FXN: variants seen among roughly 807,000 people sequenced by gnomAD.
FXN encodes the protein frataxin, mitochondrial.
A neutral mutation model predicts 22.4 loss-of-function variants in FXN; 14 were observed. The ratio of observed to expected loss-of-function variants is 0.62; its 90% CI spans 0.41 to 0.98. The LOEUF (loss-of-function observed/expected upper bound fraction) is 0.98, where lower values mean the gene tolerates loss of function less well. Ranked by LOEUF, FXN falls within the 50% of genes least tolerant of loss-of-function variation. The pLI is 0.00. For synonymous variants in FXN, 120 were observed against 114.1 expected (o/e 1.05, Z -0.33); for missense variants, 267 against 268.4 (o/e 0.99, Z 0.04).
At position 69,072,626 on chromosome 9, in the gene FXN, A is replaced by G; in HGVS notation, c.497A>G (p.Tyr166Cys). The change falls in exon 5 of 5, where the codon TAT (tyrosine) becomes TGT (cysteine). Residue 166 changes from tyrosine (Y) to cysteine (C), a missense_variant. Transcript: ENST00000484259. ...LSSPSSGPKR[Y>C]DWTGKNWVYS... ...TTGTCTTCCAGTGGACCTAAGCGTT[A>G]TGACTGGACTGGGAAAAACTGGGTG... 1 of 1,614,136 alleles carries G rather than the reference A, an allele frequency of 6.2e-7. No homozygotes were observed.
rs182809280 is a variant in FXN at position 69,074,235 on chromosome 9, T to C, written c.*1473T>C. ...ATAATAGCCATCCTTTATTGTACCC[T>C]TACTGGGTTAATCGTATTATACCAC... On this transcript the variant is annotated 3_prime_UTR_variant, in exon 5 of 5. Coordinates refer to ENST00000484259, the MANE Select transcript of FXN (RefSeq NM_000144.5). 1.8e-3 allele frequency: 1,741 copies of C among 972,942 alleles called. 4 individuals carry two copies. Among genetic ancestry groups the C allele is most frequent in the Admixed American group, 2.3e-3 (37 of 16,260 alleles). 60.3% of individuals were successfully genotyped at this position (972,942 alleles called of 1,614,324 possible).
Position 69,075,742 on chromosome 9 carries a change from A to AT in FXN, c.*2986dup. On this transcript the variant is annotated 3_prime_UTR_variant, in exon 5 of 5. Transcript: ENST00000484259. Reference sequence around the variant, plus strand: ...TAGAAAACTTTTTTTTCCCCTTTCTATTTTTTGAGACAGGATCTCACTTTG... The same window carrying AT: ...TAGAAAACTTTTTTTTCCCCTTTCTATTTTTTTGAGACAGGATCTCACTTTG... 1 of 972,912 alleles carries AT rather than the reference A, an allele frequency of 1.0e-6. No homozygotes were observed. Among genetic ancestry groups the AT allele is most frequent in the Non-Finnish European group, 1.2e-6 (1 of 818,676 alleles). 60.3% of individuals were successfully genotyped at this position (972,912 alleles called of 1,614,324 possible).
chr9:69,048,057 T>C (rs1293290511), intron 2 of FXN, among the ~76,000 whole-genome samples: 1 of 152,154 alleles, frequency 6.6e-6, no homozygotes, highest in East Asian at 1.9e-4. Context: ...TTCCCAAAAG[T>C]AGGCTTCTGA....
At chr9:69,044,968 C>T (rs1426729212) in intron 1 of FXN, among the ~76,000 whole-genome samples, 2 of 152,320 alleles carry the variant, frequency 1.3e-5, no homozygotes, top group South Asian at 2.1e-4. Flanking sequence ...TGTTGCCTCT[C>T]TTAGTGACCT....
chr9:69,071,549 A>G (rs548887072), intron 4 of FXN, among the ~76,000 whole-genome samples: 17 of 152,306 alleles, frequency 1.1e-4, no homozygotes, highest in African/African-American at 4.1e-4. Context: ...TGGAATGTAC[A>G]TCTGGTATAA....
chr9:69,037,013 G>A, intron 1 of FXN, among the ~76,000 whole-genome samples: 1 of 152,164 alleles, frequency 6.6e-6, no homozygotes, highest in East Asian at 1.9e-4. Flanking sequence ...CCATATTTGT[G>A]TTGCTCTCCG....
chr9:69,054,952 G>T (rs1261219372), intron 3 of FXN, among the ~76,000 whole-genome samples: 1 of 152,216 alleles, frequency 6.6e-6, no homozygotes, highest in Non-Finnish European at 1.5e-5. Context: ...ATTGCAGCGG[G>T]AGCACTGAAT....
intron 3 of FXN, among the ~76,000 whole-genome samples, chr9:69,060,184 C>A (rs557538910): frequency 2.0e-5 from 3 of 152,084 alleles, no homozygotes; most frequent in South Asian, 4.2e-4. Context: ...CTGGCTAACA[C>A]GGTGAAACCC....
intron 3 of FXN, among the ~76,000 whole-genome samples, chr9:69,064,600 GCAAC>G (rs1832136682): frequency 6.6e-6 from 1 of 152,058 alleles, no homozygotes; most frequent in African/African-American, 2.4e-5. Flanking sequence ...ATGGTTGAGG[GCAAC>G]AAACCAGCAG....
chr9:69,074,511 C>G lies in FXN; in HGVS notation c.*1749C>G, dbSNP rs1360546356. 1 of 958,452 alleles carries G rather than the reference C, an allele frequency of 1.0e-6. No homozygotes were observed. The highest frequency in any genetic ancestry group is 2.1e-5 in the African/African-American group (1 of 48,712). The allele number at this position is 958,452 out of a possible 1,614,324, so 59.4% of individuals were successfully genotyped here. On this transcript the variant is annotated 3_prime_UTR_variant, in exon 5 of 5. Coordinates refer to ENST00000484259, the MANE Select transcript of FXN (RefSeq NM_000144.5). ...ATCGTACCTGAGCGACAGAGCGAGA[C>G]TCCGTCTCAAAAAAAAAAAAAAGGA...
chr9:69,066,195 G>T (rs1004273680), intron 4 of FXN, among the ~76,000 whole-genome samples: 1 of 152,204 alleles, frequency 6.6e-6, no homozygotes, highest in Non-Finnish European at 1.5e-5. Context: ...TCCAAAGAGA[G>T]CATGTTGACT....
At chr9:69,036,574 T>C (rs1202805431) in intron 1 of FXN, among the ~76,000 whole-genome samples, 1 of 152,212 alleles carries the variant, frequency 6.6e-6, no homozygotes, top group Non-Finnish European at 1.5e-5. Flanking sequence ...TCCGCAGAGC[T>C]GTGTGACCTT....
At chr9:69,072,359 A>G (rs957832520) in intron 4 of FXN, among the ~76,000 whole-genome samples, 1 of 152,236 alleles carries the variant, frequency 6.6e-6, no homozygotes, top group Admixed American at 6.5e-5. Flanking sequence ...TCAAAGTGTG[A>G]TACCTGGAGA....
intron 3 of FXN, among the ~76,000 whole-genome samples, chr9:69,062,173 G>A (rs958096488): frequency 8.5e-5 from 13 of 152,136 alleles, no homozygotes; most frequent in Admixed American, 8.5e-4. Flanking sequence ...GTGTGGTGGC[G>A]TGATCACCGG....
chr9:69,037,284 A>AAAAGAAGAAGAAGAAGAAGAAG lies in FXN; in HGVS notation c.165+1339_165+1340insAGAAGAAGAAGAAGAAGAAGAA, dbSNP rs544093183. Among the ~76,000 whole-genome samples, 432 of 78,026 alleles carry AAAAGAAGAAGAAGAAGAAGAAG rather than the reference A, an allele frequency of 5.5e-3. 8 individuals are homozygous for AAAAGAAGAAGAAGAAGAAGAAG. The highest frequency in any genetic ancestry group is 0.018 in the African/African-American group (371 of 21,144). The allele number at this position is 78,026 out of a possible 152,430, so 51.2% of individuals were successfully genotyped here. A position where few individuals can be genotyped will look rare whatever the true frequency, so the allele number is the denominator to read the frequency against. The stretch of plus-strand genomic sequence containing the variant: ...ACTAAAAAATACAAAAAAAAAAAAA[A>AAAAGAAGAAGAAGAAGAAGAAG]AAGAAGAAGAAGAAGAAGAAAATAA... On this transcript the variant is annotated intron_variant, in intron 1 of 4. Transcript: ENST00000484259.
At position 69,075,113 on chromosome 9, in the gene FXN, C is replaced by G. The variant is rs1166848813; in HGVS notation, c.*2351C>G. On this transcript the variant is annotated 3_prime_UTR_variant, in exon 5 of 5. Coordinates refer to ENST00000484259, the MANE Select transcript of FXN (RefSeq NM_000144.5). ...TTTTACTTTCATTTTACATATAGCT[C>G]TAATTGGTTTGATTATCTCGTTCCC... The G allele has an allele frequency of 3.0e-6, 3 of 985,386 alleles. No homozygotes were observed. The highest frequency in any genetic ancestry group is 1.2e-6 in the Non-Finnish European group (1 of 829,948). The allele number at this position is 985,386 out of a possible 1,614,324, so 61.0% of individuals were successfully genotyped here.
intron 1 of FXN, among the ~76,000 whole-genome samples, chr9:69,039,677 G>A (rs1021369370): frequency 6.6e-6 from 1 of 152,200 alleles, no homozygotes; most frequent in African/African-American, 2.4e-5. Context: ...ATTTGATGGA[G>A]GGATGTGACG....
At chr9:69,035,983 C>T (rs746058538) in intron 1 of FXN, 36 bp downstream of exon 1, 7 of 1,381,032 alleles carry the variant, frequency 5.1e-6, no homozygotes, top group Middle Eastern at 2.6e-4. Flanking sequence ...GCGGGCCGCA[C>T]GCCGCGGGCC....
intron 3 of FXN, among the ~76,000 whole-genome samples, chr9:69,057,829 T>C (rs938221923): frequency 6.6e-6 from 1 of 152,080 alleles, no homozygotes; most frequent in East Asian, 1.9e-4. Context: ...CACTCTGAGG[T>C]TGACTCTGTG....
Sources: gnomAD v4.1 joint callset for allele counts (sites outside exome capture counted in the v4.1 genomes callset) on GRCh38, gnomAD v4.1.1 for gene constraint, MANE v1.5 for transcripts, NCBI Gene and HGNC (gene_info 2026-07-23, HGNC 2026-07-21) for gene names.